Variants in NAALAD2 observed in about 807,000 individuals in gnomAD.
NAALAD2 encodes N-acetylated alpha-linked acidic dipeptidase 2.
NAALAD2 carries 89 observed loss-of-function variants against 95.6 expected under a neutral mutation model. That is an observed-to-expected ratio of 0.93 (90% confidence interval 0.78 to 1.11). The LOEUF (loss-of-function observed/expected upper bound fraction) is 1.11, where lower values mean the gene tolerates loss of function less well. Ranked by LOEUF, NAALAD2 falls within the 50% of genes least tolerant of loss-of-function variation. The probability of loss-of-function intolerance (pLI) is 0.00; values close to 1 mark genes in which losing one functional copy is unlikely to be tolerated. For synonymous variants in NAALAD2, 264 were observed against 294.4 expected, an observed-to-expected ratio of 0.90 and a Z score of 1.06; for missense variants, 894 against 872.4, an observed-to-expected ratio of 1.02 and a Z score of -0.31.
chr11:90,175,325 A>G (rs562683804), intron 14 of NAALAD2, among the ~76,000 whole-genome samples: 1 of 152,272 alleles, frequency 6.6e-6, no homozygotes, highest in African/African-American at 2.4e-5. Flanking sequence ...CTAACCTAAT[A>G]GTTTGGAAAT....
chr11:90,164,041 G>T (rs115283664), intron 11 of NAALAD2: 308 of 254,194 alleles, frequency 1.2e-3, no homozygotes, highest in African/African-American at 6.2e-3. Flanking sequence ...TATTAAGATG[G>T]CCATATATTG....
At chr11:90,181,305 A>AG (rs1952961128) in intron 16 of NAALAD2, among the ~76,000 whole-genome samples, 2 of 152,054 alleles carry the variant, frequency 1.3e-5, no homozygotes, top group African/African-American at 2.4e-5. Flanking sequence ...TCTAGCATAC[A>AG]GTTGTTGTCC....
intron 2 of NAALAD2, 117 bp downstream of exon 2, chr11:90,135,787 A>G: frequency 1.4e-6 from 1 of 714,246 alleles, no homozygotes; most frequent in Non-Finnish European, 2.1e-6. Flanking sequence ...ATTACATATT[A>G]GTCATCAACT....
chr11:90,182,878 C>T (rs765471241), intron 17 of NAALAD2, 38 bp from the exon 18 acceptor site: 22 of 1,288,408 alleles, frequency 1.7e-5, no homozygotes, highest in African/African-American at 7.4e-5. Context: ...CATGATTCTG[C>T]GGTTTGCGTT....
At chr11:90,162,578 A>G (rs1952327537) in intron 8 of NAALAD2, 1 of 152,650 alleles carries the variant, frequency 6.6e-6, no homozygotes, top group Non-Finnish European at 1.5e-5. Context: ...CTTCGTTTTC[A>G]TAATTAACTG....
chr11:90,134,763 C>A lies in NAALAD2; in HGVS notation c.5C>A (p.Ala2Glu). 1 of 1,613,880 alleles carries A rather than the reference C, an allele frequency of 6.2e-7. No individual in the cohort carries two copies. Residue 2 changes from alanine to glutamate, a missense_variant, in exon 1 of 19, where the codon GCG (alanine) becomes GAG (glutamate). Coordinates refer to ENST00000534061, the MANE Select transcript of NAALAD2 (RefSeq NM_005467.4). M[A>E]ESRGRLYLWM... ...AAGCTCGGTCCTCAAGAAGCCATGG[C>A]GGAATCCAGGGGCCGTCTGTACCTT...
intron 14 of NAALAD2, among the ~76,000 whole-genome samples, chr11:90,175,331 G>C (rs1952757631): frequency 6.6e-6 from 1 of 151,994 alleles, no homozygotes; most frequent in African/African-American, 2.4e-5. Context: ...TAATAGTTTG[G>C]AAATAAACAG....
In NAALAD2 at chr11:90,190,207, C is replaced by A. The variant is rs549994111; in HGVS notation, c.2034-1351C>A. Reference sequence around the variant, plus strand: ...CATCCAACATTTGATTCTCACAATTCTTTTAGAACAGTACTTTTATCACCA... The same window carrying A: ...CATCCAACATTTGATTCTCACAATTATTTTAGAACAGTACTTTTATCACCA... On this transcript the variant is annotated intron_variant, in intron 18 of 18. Coordinates refer to ENST00000534061, the MANE Select transcript of NAALAD2 (RefSeq NM_005467.4). 2.1e-5 allele frequency among the ~76,000 whole-genome samples: 3 copies of A among 142,374 alleles called. No individual in the cohort carries two copies. In the South Asian group the frequency reaches 7.0e-4, roughly 33 times the overall value. 93.4% of individuals were successfully genotyped at this position (142,374 alleles called of 152,430 possible).
intron 13 of NAALAD2, 55 bp downstream of exon 13, chr11:90,170,191 C>T (rs890818217): frequency 1.6e-5 from 16 of 1,030,900 alleles, no homozygotes; most frequent in Admixed American, 5.2e-5. Flanking sequence ...AAATGAATAA[C>T]GTGTGTTCCC....
chr11:90,158,959 G>A, intron 7 of NAALAD2: 1 of 332,148 alleles, frequency 3.0e-6, no homozygotes, highest in Non-Finnish European at 5.5e-6. Flanking sequence ...AAATAATTAA[G>A]GTCAAAAATA....
rs544448374 is a variant in NAALAD2 at position 90,179,333 on chromosome 11, G to A, written c.1858+1216G>A. Among the ~76,000 whole-genome samples the A allele has an allele frequency of 2.3e-4, 35 of 152,190 alleles. No individual in the cohort carries two copies. The East Asian group carries it at 5.8e-3, about 25-fold the overall frequency. ...TAAATGTGTACAAGGCATGGTCATA[G>A]TCCTAAGAAAGCTTAAAGTCTCATG... On this transcript the variant is annotated intron_variant, in intron 16 of 18. Coordinates refer to ENST00000534061, the MANE Select transcript of NAALAD2 (RefSeq NM_005467.4).
chr11:90,134,959 A>G lies in NAALAD2; in HGVS notation c.82+119A>G, dbSNP rs745860105. ...TGCGCTAGCCCTGGCCGGCTGGGCTAGATATGATAAACTCTGCACATTTCA... is the reference window on the plus strand; with the variant it reads ...TGCGCTAGCCCTGGCCGGCTGGGCTGGATATGATAAACTCTGCACATTTCA... On this transcript the variant is annotated intron_variant, in intron 1 of 18. Transcript: ENST00000534061. 13 of 1,093,224 alleles carry G rather than the reference A, an allele frequency of 1.2e-5. No homozygotes were observed. The Admixed American group carries it at 1.3e-4, about 11-fold the overall frequency. The allele number at this position is 1,093,224 out of a possible 1,614,324, so 67.7% of individuals were successfully genotyped here.
intron 16 of NAALAD2, among the ~76,000 whole-genome samples, chr11:90,181,286 TATCCAGTGTCTAGC>T (rs777727940): frequency 1.3e-5 from 2 of 152,078 alleles, no homozygotes; most frequent in African/African-American, 2.4e-5. Flanking sequence ...TGCATAGCTG[TATCCAGTGTCTAGC>T]ATACAGTTGT....
At chr11:90,162,784 A>G (rs1264336831) in intron 8 of NAALAD2, 165 bp from the exon 9 acceptor site, 8 of 447,864 alleles carry the variant, frequency 1.8e-5, no homozygotes, top group Non-Finnish European at 1.2e-5. Flanking sequence ...ATGCTTCAAC[A>G]GTGTTAACAA....
chr11:90,153,408 A>G (rs2134875719), intron 6 of NAALAD2, among the ~76,000 whole-genome samples: 1 of 152,272 alleles, frequency 6.6e-6, no homozygotes, highest in Non-Finnish European at 1.5e-5. Flanking sequence ...TTCAACAGCA[A>G]TGTATGAGTG....
At chr11:90,159,964 A>G (rs1445210529) in intron 8 of NAALAD2, among the ~76,000 whole-genome samples, 1 of 151,564 alleles carries the variant, frequency 6.6e-6, no homozygotes, top group Non-Finnish European at 1.5e-5. Flanking sequence ...AAAAAAAAAA[A>G]AAAAAAAAAA....
At chr11:90,180,065 T>TGATGAATGAATGAATGAATG (rs1952915086) in intron 16 of NAALAD2, among the ~76,000 whole-genome samples, 1 of 130,982 alleles carries the variant, frequency 7.6e-6, no homozygotes. Flanking sequence ...AAGGTATAAT[T>TGATGAATGAATGAATGAATG]GATGAATGAA....
intron 2 of NAALAD2, among the ~76,000 whole-genome samples, chr11:90,138,694 G>C (rs893778624): frequency 3.3e-5 from 4 of 120,626 alleles, no homozygotes; most frequent in African/African-American, 1.2e-4. Context: ...ATTTTTCCAA[G>C]ATTACTATCA....
chr11:90,133,930 A>G (rs1448570604), upstream of NAALAD2, among the ~76,000 whole-genome samples: 2 of 152,150 alleles, frequency 1.3e-5, no homozygotes, highest in African/African-American at 4.8e-5. Flanking sequence ...TGGGAGAGAC[A>G]AAGGATTGAG....
Sources: allele counts gnomAD v4.1 joint callset (sites outside exome capture counted in the v4.1 genomes callset), GRCh38; gene constraint gnomAD v4.1.1; transcripts MANE v1.5; gene names NCBI Gene and HGNC (gene_info 2026-07-23, HGNC 2026-07-21).